Variants in SLC24A3 observed in about 807,000 individuals in gnomAD.
SLC24A3 encodes the protein solute carrier family 24 member 3.
In SLC24A3, 28 loss-of-function variants were observed where a neutral mutation model predicts 75.8. That is an observed-to-expected ratio of 0.37 (90% CI 0.27 to 0.51). The LOEUF (loss-of-function observed/expected upper bound fraction) is 0.51, where lower values mean the gene tolerates loss of function less well. Among genes scored for constraint, SLC24A3 ranks in the 20% least tolerant of loss-of-function variants. The pLI is 0.94. For missense variants in SLC24A3, 663 were observed against 847.8 expected (o/e 0.78, Z 2.71); for synonymous variants, 372 against 334.1 (o/e 1.11, Z -1.24).
chr20:19,566,212 T>G (rs2030955797), intron 3 of SLC24A3, among the ~76,000 whole-genome samples: 1 of 152,340 alleles, frequency 6.6e-6, no homozygotes, highest in East Asian at 1.9e-4. Flanking sequence ...GAGTGGCTAC[T>G]TAGTGTCCAT....
intron 13 of SLC24A3, among the ~76,000 whole-genome samples, chr20:19,695,265 G>A (rs2032791317): frequency 1.3e-5 from 2 of 152,152 alleles, no homozygotes; most frequent in South Asian, 2.1e-4. Context: ...TGGCCCAGGA[G>A]GAACTGTGAG....
chr20:19,364,430 C>T lies in SLC24A3; in HGVS notation c.271+83343C>T, dbSNP rs575067241. On this transcript the variant is annotated intron_variant, in intron 2 of 16. Transcript: ENST00000328041. Reference sequence around the variant, plus strand: ...AGTTCAGGAATAAGGTGTCCACACACGGCTCTAGGTTCCTCAAGAACAGTT... The same window carrying T: ...AGTTCAGGAATAAGGTGTCCACACATGGCTCTAGGTTCCTCAAGAACAGTT... Among the ~76,000 whole-genome samples the T allele has an allele frequency of 7.6e-4, 115 of 151,808 alleles. 1 individual carries two copies. Among genetic ancestry groups the T allele is most frequent in the African/African-American group, 2.6e-3 (107 of 41,194 alleles).
rs147866860 is a variant in SLC24A3, at chr20:19,495,885, C to T, written c.272-19603C>T. On this transcript the variant is annotated intron_variant, in intron 2 of 16. Coordinates refer to ENST00000328041, the MANE Select transcript of SLC24A3 (RefSeq NM_020689.4). ...GGCATCCTGTTGTCACCTGAGTCTGCGCCTGCTTCCAACACACCAATACAT... is the reference window on the plus strand; with the variant it reads ...GGCATCCTGTTGTCACCTGAGTCTGTGCCTGCTTCCAACACACCAATACAT... Among the ~76,000 whole-genome samples, 40 of 152,326 alleles carry T rather than the reference C, an allele frequency of 2.6e-4. 1 individual carries two copies. The highest frequency in any genetic ancestry group is 8.2e-4 in the African/African-American group (34 of 41,568).
At chr20:19,671,404 A>G (rs1022211649) in intron 8 of SLC24A3, among the ~76,000 whole-genome samples, 1 of 152,226 alleles carries the variant, frequency 6.6e-6, no homozygotes, top group Non-Finnish European at 1.5e-5. Context: ...TAAGAAGTGC[A>G]TTGACATGCT....
intron 6 of SLC24A3, among the ~76,000 whole-genome samples, chr20:19,592,719 A>G (rs1047342531): frequency 6.6e-6 from 1 of 151,978 alleles, no homozygotes; most frequent in South Asian, 2.1e-4. Context: ...AAGGAGCACC[A>G]TGAAAATTAC....
At chr20:19,267,825 G>A (rs1328431894) in intron 1 of SLC24A3, among the ~76,000 whole-genome samples, 4 of 152,130 alleles carry the variant, frequency 2.6e-5, no homozygotes, top group Non-Finnish European at 5.9e-5. Flanking sequence ...CAGACATGGG[G>A]GGCAGTGTGT....
intron 6 of SLC24A3, among the ~76,000 whole-genome samples, chr20:19,609,985 A>G (rs1469965653): frequency 6.6e-6 from 1 of 152,210 alleles, no homozygotes; most frequent in Non-Finnish European, 1.5e-5. Flanking sequence ...CACTGAGTCA[A>G]TACATCTTGA....
intron 2 of SLC24A3, among the ~76,000 whole-genome samples, chr20:19,450,212 A>G (rs1230358328): frequency 6.6e-6 from 1 of 152,200 alleles, no homozygotes; most frequent in Non-Finnish European, 1.5e-5. Context: ...ACATGATGGC[A>G]GTCCTCTCCA....
chr20:19,217,627 C>T (rs1318225081), intron 1 of SLC24A3, among the ~76,000 whole-genome samples: 4 of 152,274 alleles, frequency 2.6e-5, no homozygotes, highest in East Asian at 1.9e-4. Flanking sequence ...TTGTGGCTGC[C>T]GATTCCTCCT....
chr20:19,238,185 G>C (rs1982223134), intron 1 of SLC24A3, among the ~76,000 whole-genome samples: 1 of 152,156 alleles, frequency 6.6e-6, no homozygotes, highest in Admixed American at 6.5e-5. Flanking sequence ...CCCCCCACAA[G>C]AGTGACCACT....
At chr20:19,300,855 G>A (rs1275015829) in intron 2 of SLC24A3, among the ~76,000 whole-genome samples, 2 of 152,106 alleles carry the variant, frequency 1.3e-5, no homozygotes, top group African/African-American at 4.8e-5. Context: ...TTGAGGGACT[G>A]TTCACTGTCT....
Position 19,406,767 on chromosome 20 carries a change from A to G in SLC24A3, c.272-108721A>G, listed in dbSNP as rs147366834. Among the ~76,000 whole-genome samples the G allele has an allele frequency of 7.8e-3, 1,195 of 152,350 alleles. 17 individuals carry two copies. Among genetic ancestry groups the G allele is most frequent in the African/African-American group, 0.028 (1,146 of 41,586 alleles). ...CCTCGGTGGCTGGTTCAGCACCCCA[A>G]CTAGAATGAGACAGTGCCATGACCT... On this transcript the variant is annotated intron_variant, in intron 2 of 16. Transcript: ENST00000328041.
At chr20:19,250,529 T>C (rs1030745244) in intron 1 of SLC24A3, among the ~76,000 whole-genome samples, 10 of 152,190 alleles carry the variant, frequency 6.6e-5, no homozygotes, top group Non-Finnish European at 1.2e-4. Context: ...ATTACCATAC[T>C]CTGAAGGGTG....
chr20:19,448,246 C>T (rs1206086891), intron 2 of SLC24A3, among the ~76,000 whole-genome samples: 1 of 152,216 alleles, frequency 6.6e-6, no homozygotes, highest in Non-Finnish European at 1.5e-5. Context: ...CGATTATTTT[C>T]GCATTACTAA....
intron 8 of SLC24A3, among the ~76,000 whole-genome samples, chr20:19,669,577 G>A (rs1196913245): frequency 6.6e-6 from 1 of 152,162 alleles, no homozygotes; most frequent in Non-Finnish European, 1.5e-5. Flanking sequence ...GCATTCCCGT[G>A]TTGTTGCCAG....
At chr20:19,447,684 G>A (rs1180115691) in intron 2 of SLC24A3, among the ~76,000 whole-genome samples, 2 of 152,180 alleles carry the variant, frequency 1.3e-5, no homozygotes, top group Admixed American at 1.3e-4. Context: ...GAGAATTCAA[G>A]CACATCTTGA....
At chr20:19,433,247 A>G (rs560007169) in intron 2 of SLC24A3, among the ~76,000 whole-genome samples, 1 of 152,314 alleles carries the variant, frequency 6.6e-6, no homozygotes, top group South Asian at 2.1e-4. Flanking sequence ...TACATAAAAC[A>G]TTTATATTTT....
At position 19,698,635 on chromosome 20, in the gene SLC24A3, T is replaced by A; in HGVS notation, c.1674T>A (p.Gly558=). 1 of 1,594,374 alleles carries A rather than the reference T, an allele frequency of 6.3e-7. No individual in the cohort carries two copies. Among genetic ancestry groups the A allele is most frequent in the Non-Finnish European group, 8.6e-7 (1 of 1,168,544 alleles). ...SNVFDILIGL[G]LPWALQTLAV... ...TGTTTGACATCCTGATTGGCCTCGGTCTCCCCTGGGCTCTGCAGACCCTGG... is the reference window on the plus strand; with the variant it reads ...TGTTTGACATCCTGATTGGCCTCGGACTCCCCTGGGCTCTGCAGACCCTGG... The change falls in exon 15 of 17, where the codon GGT becomes GGA. Residue 558 remains glycine, a synonymous_variant. Coordinates refer to ENST00000328041, the MANE Select transcript of SLC24A3 (RefSeq NM_020689.4).
chr20:19,359,410 A>T (rs1263849010), intron 2 of SLC24A3, among the ~76,000 whole-genome samples: 1 of 152,302 alleles, frequency 6.6e-6, no homozygotes, highest in East Asian at 1.9e-4. Flanking sequence ...CTGAGGAGCC[A>T]TACTGGGGGC....
Sources: allele counts gnomAD v4.1 joint callset (sites outside exome capture counted in the v4.1 genomes callset), GRCh38; gene constraint gnomAD v4.1.1; transcripts MANE v1.5; gene names NCBI Gene and HGNC (gene_info 2026-07-23, HGNC 2026-07-21).